The following SEMA5A variants were observed in gnomAD, a reference collection of about 807,000 sequenced individuals.
SEMA5A encodes the protein semaphorin 5A.
Under a neutral mutation model 135.5 loss-of-function variants are expected in SEMA5A, and 55 were observed. That is an observed-to-expected ratio of 0.41 (90% confidence interval 0.33 to 0.51). SEMA5A has a LOEUF of 0.51. Ranked by LOEUF, SEMA5A falls within the 20% of genes least tolerant of loss-of-function variation. The pLI, the probability that SEMA5A is intolerant of heterozygous loss-of-function variation, is 0.37. For missense variants in SEMA5A, 1,290 were observed against 1,419.9 expected (o/e 0.91, Z 1.47); for synonymous variants, 580 against 546.5 (o/e 1.06, Z -0.85).
intron 20 of SEMA5A, among the ~76,000 whole-genome samples, chr5:9,051,493 T>G (rs961157658): frequency 6.6e-6 from 1 of 152,230 alleles, no homozygotes; most frequent in East Asian, 1.9e-4. Context: ...AAGAGAATGG[T>G]GCTTTTTCTC....
At chr5:9,198,683 T>C (rs568040099) in intron 9 of SEMA5A, among the ~76,000 whole-genome samples, 16 of 152,308 alleles carry the variant, frequency 1.1e-4, no homozygotes, top group Middle Eastern at 6.8e-3. Context: ...AGCTATGGGT[T>C]TGTTCACTTT....
chr5:9,061,800 G>C (rs1371117598), intron 18 of SEMA5A, among the ~76,000 whole-genome samples: 5 of 151,966 alleles, frequency 3.3e-5, no homozygotes, highest in Non-Finnish European at 7.3e-5. Flanking sequence ...AGGCCCACAG[G>C]AGAGAAGAGT....
At chr5:9,109,021 C>G (rs940592389) in intron 15 of SEMA5A, among the ~76,000 whole-genome samples, 11 of 135,470 alleles carry the variant, frequency 8.1e-5, no homozygotes, top group African/African-American at 3.1e-4. Context: ...CATATTATTT[C>G]TCTTCAATTT....
At chr5:9,342,090 A>T (rs981347678) in intron 3 of SEMA5A, among the ~76,000 whole-genome samples, 2 of 78,076 alleles carry the variant, frequency 2.6e-5, no homozygotes, top group Admixed American at 2.4e-4. Flanking sequence ...CAAAAAAGAA[A>T]GAAAAAAAAA....
intron 11 of SEMA5A, among the ~76,000 whole-genome samples, chr5:9,158,438 T>C (rs1215234107): frequency 6.6e-6 from 1 of 151,688 alleles, no homozygotes; most frequent in Non-Finnish European, 1.5e-5. Flanking sequence ...GTTATTTGCA[T>C]GAAAAAAAGT....
chr5:9,386,153 C>T (rs945282387), intron 2 of SEMA5A, among the ~76,000 whole-genome samples: 1 of 152,072 alleles, frequency 6.6e-6, no homozygotes, highest in African/African-American at 2.4e-5. Flanking sequence ...ATTTCTTAGC[C>T]CTGTTTTAAG....
chr5:9,439,503 C>T (rs1758155547), intron 1 of SEMA5A, among the ~76,000 whole-genome samples: 1 of 152,144 alleles, frequency 6.6e-6, no homozygotes, highest in Non-Finnish European at 1.5e-5. Context: ...CTGTAAGTTC[C>T]CATGTCTCAG....
chr5:9,273,832 G>A (rs1750113472), intron 5 of SEMA5A, among the ~76,000 whole-genome samples: 1 of 152,094 alleles, frequency 6.6e-6, no homozygotes, highest in Non-Finnish European at 1.5e-5. Flanking sequence ...AAGAGCTCCT[G>A]AAGGAAGCAC....
intron 1 of SEMA5A, among the ~76,000 whole-genome samples, chr5:9,480,722 GA>G (rs1433737103): frequency 6.6e-6 from 1 of 152,180 alleles, no homozygotes; most frequent in Non-Finnish European, 1.5e-5. Context: ...GCCTCACACA[GA>G]ACAGATCCAT....
intron 3 of SEMA5A, among the ~76,000 whole-genome samples, chr5:9,365,714 T>C (rs1273361585): frequency 6.6e-6 from 1 of 152,168 alleles, no homozygotes; most frequent in Non-Finnish European, 1.5e-5. Flanking sequence ...GCTCTGGCCA[T>C]TCATATGCAA....
Position 9,168,826 on chromosome 5 carries a change from C to T in SEMA5A, c.1274-14131G>A, listed in dbSNP as rs138249261. Among the ~76,000 whole-genome samples, 253 of 152,298 alleles carry T rather than the reference C, an allele frequency of 1.7e-3. 1 individual carries two copies. Among genetic ancestry groups the T allele is most frequent in the Middle Eastern group, 0.01 (3 of 294 alleles). Reference sequence around the variant, plus strand: ...TGCCCCTGGAACAAAGGCTTAAATGCTCCTCCAGGCCATGTTGCTGTGGCT... The same window carrying T: ...TGCCCCTGGAACAAAGGCTTAAATGTTCCTCCAGGCCATGTTGCTGTGGCT... On this transcript the variant is annotated intron_variant, in intron 11 of 22. Coordinates refer to ENST00000382496, the MANE Select transcript of SEMA5A (RefSeq NM_003966.3).
chr5:9,440,102 C>T (rs17324597), intron 1 of SEMA5A, among the ~76,000 whole-genome samples: 14,078 of 152,302 alleles, frequency 0.092, 856 homozygotes, highest in Middle Eastern at 0.19. Context: ...TGCCTGGGAA[C>T]GTGCACTCAG....
At position 9,164,082 on chromosome 5, in the gene SEMA5A, T is replaced by TATAA; in HGVS notation, c.1274-9388_1274-9387insTTAT. The stretch of plus-strand genomic sequence containing the variant: ...ATAAATATTTATATAATTTATATAA[T>TATAA]TATAAATATATCATATAAATATTTA... On this transcript the variant is annotated intron_variant, in intron 11 of 22. Transcript: ENST00000382496. 2.5e-4 allele frequency among the ~76,000 whole-genome samples: 5 copies of TATAA among 20,406 alleles called. 2 individuals carry two copies. Among genetic ancestry groups the TATAA allele is most frequent in the African/African-American group, 4.8e-4 (4 of 8,276 alleles). The allele number at this position is 20,406 out of a possible 152,430, so 13.4% of individuals were successfully genotyped here. A position where few individuals can be genotyped will look rare whatever the true frequency, so the allele number is the denominator to read the frequency against.
chr5:9,061,328 C>T (rs1440251190), intron 18 of SEMA5A, among the ~76,000 whole-genome samples: 1 of 152,142 alleles, frequency 6.6e-6, no homozygotes, highest in African/African-American at 2.4e-5. Context: ...CTCTTTGTTT[C>T]CTCATTATTA....
chr5:9,471,204 G>T (rs537915757), intron 1 of SEMA5A, among the ~76,000 whole-genome samples: 5 of 152,100 alleles, frequency 3.3e-5, no homozygotes, highest in African/African-American at 1.2e-4. Context: ...AAGTCTACAA[G>T]AACGGTAATA....
chr5:9,061,041 G>A (rs1396180526), intron 18 of SEMA5A, among the ~76,000 whole-genome samples: 1 of 151,806 alleles, frequency 6.6e-6, no homozygotes, highest in African/African-American at 2.4e-5. Flanking sequence ...AGGGCAGCCT[G>A]CTTGCTGTGG....
chr5:9,109,027 A>ATTT (rs1305606521), intron 15 of SEMA5A, among the ~76,000 whole-genome samples: 10 of 118,944 alleles, frequency 8.4e-5, no homozygotes, highest in East Asian at 7.9e-4. Context: ...ATTTCTCTTC[A>ATTT]ATTTTTTTTT....
chr5:9,189,466 G>GA (rs35792049), intron 11 of SEMA5A, among the ~76,000 whole-genome samples: 6 of 150,824 alleles, frequency 4.0e-5, no homozygotes, highest in African/African-American at 1.5e-4. Flanking sequence ...GTTCTTAGAA[G>GA]AAAAAAAATG....
intron 1 of SEMA5A, among the ~76,000 whole-genome samples, chr5:9,527,525 CCAAA>C (rs1475090096): frequency 1.4e-4 from 22 of 152,168 alleles, no homozygotes; most frequent in African/African-American, 5.1e-4. Context: ...GTGCAGGTGA[CCAAA>C]CAGAGGTGGC....
Sources: allele counts gnomAD v4.1 joint callset (sites outside exome capture counted in the v4.1 genomes callset), GRCh38; gene constraint gnomAD v4.1.1; transcripts MANE v1.5; gene names NCBI Gene and HGNC (gene_info 2026-07-23, HGNC 2026-07-21).